PHLDB2: variants seen among roughly 807,000 people sequenced by gnomAD.
PHLDB2 encodes pleckstrin homology-like domain family B member 2.
Under a neutral mutation model 123.6 loss-of-function variants are expected in PHLDB2, and 71 were observed. The ratio of observed to expected loss-of-function variants is 0.57; its 90% CI spans 0.47 to 0.70. The LOEUF is 0.70. PHLDB2 is among the 30% of genes least tolerant of loss of function. The probability of loss-of-function intolerance (pLI) is 0.00; values close to 1 mark genes in which losing one functional copy is unlikely to be tolerated. For missense variants in PHLDB2, 1,446 were observed against 1,519.5 expected (o/e 0.95, Z 0.80); for synonymous variants, 547 against 541.6 (o/e 1.01, Z -0.14).
At chr3:111,865,968 T>C (rs2065046079) in intron 1 of PHLDB2, among the ~76,000 whole-genome samples, 2 of 150,558 alleles carry the variant, frequency 1.3e-5, no homozygotes, top group African/African-American at 4.9e-5. Flanking sequence ...TTATCATAAT[T>C]ATTATTTTTA....
intron 1 of PHLDB2, among the ~76,000 whole-genome samples, chr3:111,829,656 G>C (rs1359162761): frequency 1.3e-5 from 2 of 151,704 alleles, no homozygotes; most frequent in East Asian, 3.9e-4. Flanking sequence ...TAGAGACGGG[G>C]TTTCACCATG....
intron 2 of PHLDB2, among the ~76,000 whole-genome samples, chr3:111,851,946 G>T (rs185643935): frequency 3.9e-4 from 58 of 149,080 alleles, no homozygotes; most frequent in Admixed American, 1.3e-3. Flanking sequence ...TGCCTAGAAG[G>T]CCCCTCAACC....
chr3:111,759,084 T>C (rs2059950378), intron 1 of PHLDB2, among the ~76,000 whole-genome samples: 1 of 152,034 alleles, frequency 6.6e-6, no homozygotes, highest in Admixed American at 6.5e-5. Flanking sequence ...AGTAAAAATG[T>C]AATTATATAT....
At chr3:111,737,251 G>A (rs1315739040) in intron 1 of PHLDB2, among the ~76,000 whole-genome samples, 3 of 152,290 alleles carry the variant, frequency 2.0e-5, no homozygotes, top group African/African-American at 7.2e-5. Context: ...GTTTCACTGG[G>A]AATTGCCCCT....
At chr3:111,786,234 T>C (rs1040674067) in intron 1 of PHLDB2, among the ~76,000 whole-genome samples, 2 of 152,220 alleles carry the variant, frequency 1.3e-5, no homozygotes, top group Non-Finnish European at 2.9e-5. Flanking sequence ...GCAATGTAAA[T>C]AGTCGTTATG....
chr3:111,785,656 C>CATTA (rs1164591331), intron 1 of PHLDB2, among the ~76,000 whole-genome samples: 2 of 152,030 alleles, frequency 1.3e-5, no homozygotes, highest in Non-Finnish European at 2.9e-5. Context: ...CAACAAGAAG[C>CATTA]ATTAGAGAGG....
In PHLDB2 at chr3:111,885,086, G is replaced by A. The variant is rs769303454; in HGVS notation, c.1009G>A (p.Val337Met). 2.5e-6 allele frequency: 4 copies of A among 1,614,022 alleles called. No homozygotes were observed. In the African/African-American group the frequency reaches 5.3e-5, roughly 22 times the overall value. ...STLSVPASPR[V>M]ARKMLLASTS... ...CCTCAGTGTCCCTGCCAGTCCACGA[G>A]TGGCTCGGAAGATGCTTCTGGCCTC... Residue 337 changes from valine (V) to methionine (M), a missense_variant, in exon 2 of 18, where the codon GTG (valine) becomes ATG (methionine). Physicochemically the swap from Val to Met is conservative, Grantham distance 21. Around this residue, in one of 3 missense-constraint regions of PHLDB2, gnomAD observed 832 missense variants for 831.9 expected, o/e 1.00. Coordinates refer to ENST00000431670, the MANE Select transcript of PHLDB2 (RefSeq NM_001134438.2).
Position 111,885,269 on chromosome 3 carries a change from C to T in PHLDB2, c.1192C>T (p.Leu398Phe), listed in dbSNP as rs1210901737. 1 of 1,614,062 alleles carries T rather than the reference C, an allele frequency of 6.2e-7. No individual in the cohort carries two copies. Among genetic ancestry groups the T allele is most frequent in the East Asian group, 2.2e-5 (1 of 44,886 alleles). ...VEFDEADLES[L>F]RQASGTPQPA... Reference sequence around the variant, plus strand: ...ATTTGATGAGGCAGATTTGGAAAGCCTCAGACAGGCCTCAGGAACCCCCCA... The same window carrying T: ...ATTTGATGAGGCAGATTTGGAAAGCTTCAGACAGGCCTCAGGAACCCCCCA... The change falls in exon 2 of 18, where the codon CTC becomes TTC. Residue 398 changes from leucine (L) to phenylalanine (F), a missense_variant. Physicochemically the swap from Leu to Phe is conservative, Grantham distance 22. Around this residue, in one of 3 missense-constraint regions of PHLDB2, gnomAD observed 832 missense variants for 831.9 expected, o/e 1.00. Transcript: ENST00000431670.
chr3:111,845,361 A>G (rs2063919123), intron 1 of PHLDB2, among the ~76,000 whole-genome samples: 1 of 145,840 alleles, frequency 6.9e-6, no homozygotes, highest in African/African-American at 2.6e-5. Flanking sequence ...TCTCAAAAAA[A>G]AAAAAAAAAA....
chr3:111,812,905 A>C (rs2061904198), intron 1 of PHLDB2, among the ~76,000 whole-genome samples: 1 of 152,190 alleles, frequency 6.6e-6, no homozygotes, highest in African/African-American at 2.4e-5. Context: ...CTAGAAAGGA[A>C]GTGTGGGGAA....
Position 111,966,650 on chromosome 3 carries a change from G to A in PHLDB2, c.3115G>A (p.Glu1039Lys). Reference protein sequence around the residue: ...TSNIARIEEMERLLKQAHAEK... With the variant: ...TSNIARIEEMKRLLKQAHAEK... Reference sequence around the variant, plus strand: ...AAATATTGCTAGAATAGAAGAAATGGAGAGACTTTTGAAGCAGGCTCATGC... The same window carrying A: ...AAATATTGCTAGAATAGAAGAAATGAAGAGACTTTTGAAGCAGGCTCATGC... The change falls in exon 14 of 18, where the codon GAG becomes AAG. Residue 1039 changes from glutamate to lysine, a missense_variant. This residue lies in a region of PHLDB2 where 594 missense variants were observed against 646.0 expected (regional missense o/e 0.92). Coordinates refer to ENST00000431670, the MANE Select transcript of PHLDB2 (RefSeq NM_001134438.2). 1 of 1,613,472 alleles carries A rather than the reference G, an allele frequency of 6.2e-7. No homozygotes were observed. Among genetic ancestry groups the A allele is most frequent in the Non-Finnish European group, 8.5e-7 (1 of 1,179,658 alleles).
intron 9 of PHLDB2, among the ~76,000 whole-genome samples, chr3:111,948,550 T>C (rs1438661042): frequency 2.0e-5 from 3 of 152,214 alleles, no homozygotes; most frequent in African/African-American, 7.2e-5. Flanking sequence ...GATTGCATTG[T>C]CAATTTTACA....
intron 10 of PHLDB2, 136 bp from the exon 11 acceptor site, chr3:111,952,436 A>G: frequency 2.3e-6 from 2 of 862,558 alleles, no homozygotes; most frequent in Non-Finnish European, 3.5e-6. Flanking sequence ...CAGTGAACAC[A>G]ATATATGTTG....
intron 1 of PHLDB2, among the ~76,000 whole-genome samples, chr3:111,787,897 C>A (rs2060758943): frequency 6.6e-6 from 1 of 152,142 alleles, no homozygotes; most frequent in African/African-American, 2.4e-5. Flanking sequence ...TAAACTTAGA[C>A]TTTGTAGTCC....
chr3:111,962,405 A>C, intron 13 of PHLDB2, 93 bp downstream of exon 13: 1 of 1,179,112 alleles, frequency 8.5e-7, no homozygotes, highest in Non-Finnish European at 1.2e-6. Flanking sequence ...GTATATGCAC[A>C]AGCCCAAATT....
intron 1 of PHLDB2, among the ~76,000 whole-genome samples, chr3:111,787,234 T>G (rs2108157026): frequency 6.6e-6 from 1 of 152,336 alleles, no homozygotes; most frequent in Admixed American, 6.5e-5. Context: ...AGCTTATAAT[T>G]TCTATCCTCA....
intron 2 of PHLDB2, among the ~76,000 whole-genome samples, chr3:111,904,470 G>A (rs747952397): frequency 3.9e-5 from 6 of 151,956 alleles, no homozygotes; most frequent in African/African-American, 2.4e-5. Flanking sequence ...CTTCTCATTC[G>A]GGATGTCCAG....
rs116453447 is a variant in PHLDB2, at chr3:111,966,726, G to A, written c.3168+23G>A. ...AGGGTAAGCTTCATATTTTCATGCC[G>A]GAGGTCTGTGATACCGTGGTGCAGG... On this transcript the variant is annotated intron_variant, in intron 14 of 17. Coordinates refer to ENST00000431670, the MANE Select transcript of PHLDB2 (RefSeq NM_001134438.2). The A allele has an allele frequency of 9.0e-4, 1,442 of 1,596,076 alleles. 7 individuals are homozygous for A. Among genetic ancestry groups the A allele is most frequent in the Middle Eastern group, 5.3e-3 (32 of 6,022 alleles).
Position 111,969,809 on chromosome 3 carries a change from C to A in PHLDB2, c.3435C>A (p.Thr1145=), listed in dbSNP as rs1447157570. ...TCYHVSITEK[T]CRGFLIKMGG... Reference sequence around the variant, plus strand: ...ACCATGTATCAATCACAGAGAAGACCTGCCGAGGATTCCTCATCAAAATGG... The same window carrying A: ...ACCATGTATCAATCACAGAGAAGACATGCCGAGGATTCCTCATCAAAATGG... Residue 1145 remains threonine, a synonymous_variant, in exon 16 of 18, where the codon ACC becomes ACA. Transcript: ENST00000431670. 1.2e-6 allele frequency: 2 copies of A among 1,613,934 alleles called. No individual in the cohort carries two copies. The highest frequency in any genetic ancestry group is 1.7e-6 in the Non-Finnish European group (2 of 1,179,948).
Sources: allele counts gnomAD v4.1 joint callset (sites outside exome capture counted in the v4.1 genomes callset), GRCh38; gene constraint gnomAD v4.1.1; regional missense constraint gnomAD v4.1.1; transcripts MANE v1.5; gene names NCBI Gene and HGNC (gene_info 2026-07-23, HGNC 2026-07-21).